Variants in PDGFD observed in about 807,000 individuals in gnomAD.
PDGFD encodes platelet-derived growth factor D.
Under a neutral mutation model 44.7 loss-of-function variants are expected in PDGFD, and 30 were observed. That is an observed-to-expected ratio of 0.67 (90% confidence interval 0.50 to 0.91). The LOEUF is 0.91. PDGFD is among the 40% of genes least tolerant of loss of function. The probability of loss-of-function intolerance (pLI) is 0.00; values close to 1 mark genes in which losing one functional copy is unlikely to be tolerated. For missense variants in PDGFD, 445 were observed against 457.8 expected (o/e 0.97, Z 0.25); for synonymous variants, 173 against 168.4 (o/e 1.03, Z -0.21).
intron 1 of PDGFD, among the ~76,000 whole-genome samples, chr11:104,016,245 GT>G (rs1486203147): frequency 6.6e-6 from 1 of 152,178 alleles, no homozygotes; most frequent in African/African-American, 2.4e-5. Flanking sequence ...GTAGTCATGG[GT>G]TTTTCCACCT....
intron 3 of PDGFD, among the ~76,000 whole-genome samples, chr11:103,957,145 C>A (rs1405874299): frequency 6.6e-6 from 1 of 152,068 alleles, no homozygotes; most frequent in Non-Finnish European, 1.5e-5. Context: ...TGCCTATGTC[C>A]TGAATGGTAA....
intron 3 of PDGFD, among the ~76,000 whole-genome samples, chr11:103,964,407 C>G (rs190196508): frequency 2.5e-4 from 38 of 152,248 alleles, no homozygotes; most frequent in African/African-American, 9.1e-4. Context: ...ATTGCTATTT[C>G]AGAAATCAGT....
At chr11:104,063,408 G>A (rs553591011) in intron 1 of PDGFD, among the ~76,000 whole-genome samples, 1 of 151,592 alleles carries the variant, frequency 6.6e-6, no homozygotes, top group East Asian at 2.0e-4. Flanking sequence ...CAATAATTAG[G>A]TTATCCTGGG....
intron 2 of PDGFD, among the ~76,000 whole-genome samples, chr11:103,997,454 C>G (rs549810783): frequency 6.6e-6 from 1 of 152,262 alleles, no homozygotes; most frequent in East Asian, 1.9e-4. Context: ...CTAAATTTCT[C>G]TAACAGTGAT....
chr11:104,069,889 T>C (rs1860849114), intron 1 of PDGFD, among the ~76,000 whole-genome samples: 1 of 152,174 alleles, frequency 6.6e-6, no homozygotes, highest in Non-Finnish European at 1.5e-5. Context: ...CTTTTATAAT[T>C]CCATCATTCC....
chr11:104,036,835 G>T lies in PDGFD; in HGVS notation c.125-36580C>A, dbSNP rs145267261. On this transcript the variant is annotated intron_variant, in intron 1 of 6. Coordinates refer to ENST00000393158, the MANE Select transcript of PDGFD (RefSeq NM_025208.5). ...CCGGGCCCCCGCCATGCTGATCACC[G>T]TGTACTGCGTGCGGAGGGACCTCTC... The T allele has an allele frequency of 3.1e-6, 5 of 1,613,742 alleles. No individual in the cohort carries two copies. In the Admixed American group the frequency reaches 6.7e-5, roughly 22 times the overall value.
At chr11:104,150,876 C>A (rs1862233946) in intron 1 of PDGFD, among the ~76,000 whole-genome samples, 1 of 152,174 alleles carries the variant, frequency 6.6e-6, no homozygotes, top group Non-Finnish European at 1.5e-5. Context: ...TCTGCAAAGT[C>A]TCTTGCATAT....
At chr11:103,954,288 C>T (rs988753954) in intron 3 of PDGFD, among the ~76,000 whole-genome samples, 2 of 152,210 alleles carry the variant, frequency 1.3e-5, no homozygotes, top group African/African-American at 4.8e-5. Context: ...GTACTGAGCA[C>T]CAGCAATGGA....
intron 1 of PDGFD, among the ~76,000 whole-genome samples, chr11:104,091,609 C>T (rs748826239): frequency 1.3e-5 from 2 of 152,184 alleles, no homozygotes; most frequent in Non-Finnish European, 2.9e-5. Flanking sequence ...TCACAGCTTG[C>T]TGCAAAGGTT....
intron 1 of PDGFD, among the ~76,000 whole-genome samples, chr11:104,132,556 T>C (rs1591180493): frequency 6.6e-6 from 1 of 152,214 alleles, no homozygotes; most frequent in East Asian, 1.9e-4. Context: ...AAGTTACTTG[T>C]GTTCTTCATG....
chr11:103,949,476 T>C (rs1202742221), intron 3 of PDGFD, among the ~76,000 whole-genome samples: 1 of 152,190 alleles, frequency 6.6e-6, no homozygotes, highest in Admixed American at 6.5e-5. Context: ...GGTGAGCACA[T>C]AAGACTAGGC....
intron 1 of PDGFD, among the ~76,000 whole-genome samples, chr11:104,148,524 A>G (rs947431309): frequency 6.6e-6 from 1 of 152,130 alleles, no homozygotes; most frequent in Non-Finnish European, 1.5e-5. Flanking sequence ...AAGAAATTGC[A>G]ATAATTAAAA....
chr11:104,052,090 T>A (rs1263279037), intron 1 of PDGFD, among the ~76,000 whole-genome samples: 1 of 152,224 alleles, frequency 6.6e-6, no homozygotes, highest in Non-Finnish European at 1.5e-5. Context: ...ACTCTGGGTA[T>A]TTTATTTAAG....
At chr11:103,911,383 G>A (rs935821206) in intron 6 of PDGFD, among the ~76,000 whole-genome samples, 3 of 152,126 alleles carry the variant, frequency 2.0e-5, no homozygotes, top group Non-Finnish European at 2.9e-5. Context: ...GCAGCAGAGC[G>A]GCCTGACTGT....
chr11:104,096,295 T>C (rs589796), intron 1 of PDGFD, among the ~76,000 whole-genome samples: 107,001 of 151,796 alleles, frequency 0.7, 38,066 homozygotes, highest in East Asian at 0.98. Context: ...ACAACATGGC[T>C]AACAATTATT....
intron 1 of PDGFD, among the ~76,000 whole-genome samples, chr11:104,065,171 G>T (rs556090136): frequency 1.2e-4 from 19 of 152,288 alleles, no homozygotes; most frequent in African/African-American, 4.3e-4. Context: ...TTGGGACTCA[G>T]TCTGGCCTTG....
intron 3 of PDGFD, among the ~76,000 whole-genome samples, chr11:103,948,444 T>G (rs1389704587): frequency 1.3e-5 from 2 of 152,188 alleles, no homozygotes; most frequent in Non-Finnish European, 2.9e-5. Flanking sequence ...AAACTTCTCT[T>G]AAAAGGCAAA....
rs1035466089 is a variant in PDGFD at position 103,996,072 on chromosome 11, G to T, written c.503C>A (p.Ser168Tyr). 1.2e-6 allele frequency: 2 copies of T among 1,612,948 alleles called. No homozygotes were observed. Among genetic ancestry groups the T allele is most frequent in the Non-Finnish European group, 1.7e-6 (2 of 1,179,396 alleles). Residue 168 changes from serine to tyrosine, a missense_variant, in exon 3 of 7, where the codon TCT (serine) becomes TAT (tyrosine). Physicochemically the swap from Ser to Tyr is moderately radical, Grantham distance 144 (BLOSUM62 -2). Coordinates refer to ENST00000393158, the MANE Select transcript of PDGFD (RefSeq NM_025208.5). Reference sequence around the variant, plus strand: ...AAGTGGTTAAGTACTCACCAGCAAAGAATAATAAATCTTGAATCCAGGTTT... The same window carrying T: ...AAGTGGTTAAGTACTCACCAGCAAATAATAATAAATCTTGAATCCAGGTTT... ...VAKPGFKIYY[S>Y]LLEDFQPAAA... is the part of the protein sequence containing the mutation.
At chr11:103,994,278 C>G (rs1022348939) in intron 3 of PDGFD, among the ~76,000 whole-genome samples, 1 of 152,176 alleles carries the variant, frequency 6.6e-6, no homozygotes, top group Non-Finnish European at 1.5e-5. Flanking sequence ...CTTCTCTAAG[C>G]CTATCCATCA....
Sources: allele counts gnomAD v4.1 joint callset (sites outside exome capture counted in the v4.1 genomes callset), GRCh38; gene constraint gnomAD v4.1.1; transcripts MANE v1.5; gene names NCBI Gene and HGNC (gene_info 2026-07-23, HGNC 2026-07-21).